MAP3K13: variants seen among roughly 807,000 people sequenced by gnomAD.
MAP3K13 encodes the protein mitogen-activated protein kinase kinase kinase 13.
Under a neutral mutation model 104.0 loss-of-function variants are expected in MAP3K13, and 52 were observed. That is an observed-to-expected ratio of 0.50 (90% CI 0.40 to 0.63). MAP3K13 has a LOEUF of 0.63. Ranked by LOEUF, MAP3K13 falls within the 20% of genes least tolerant of loss-of-function variation. The probability of loss-of-function intolerance (pLI) is 0.00; values close to 1 mark genes in which losing one functional copy is unlikely to be tolerated. For missense variants in MAP3K13, 914 were observed against 1,218.5 expected (o/e 0.75, Z 3.72); for synonymous variants, 394 against 442.2 (o/e 0.89, Z 1.37).
At chr3:185,407,993 C>A (rs542993624) in intron 1 of MAP3K13, among the ~76,000 whole-genome samples, 1 of 150,616 alleles carries the variant, frequency 6.6e-6, no homozygotes, top group South Asian at 2.1e-4. Flanking sequence ...CCTCCCACCT[C>A]GGCCTCCCAA....
chr3:185,387,689 A>G (rs116090611), intron 1 of MAP3K13, among the ~76,000 whole-genome samples: 2,575 of 152,202 alleles, frequency 0.017, 68 homozygotes, highest in African/African-American at 0.056. Context: ...TAAAGACCAC[A>G]TGAGAGAAAC....
At chr3:185,363,074 G>A (rs919995171), upstream of MAP3K13, 13 of 984,986 alleles carry the variant, frequency 1.3e-5, no homozygotes, top group Non-Finnish European at 1.6e-5. Context: ...AAGAAGGAAG[G>A]CCATGTCTGC....
At chr3:185,414,859 C>T (rs1417906276) in intron 1 of MAP3K13, among the ~76,000 whole-genome samples, 2 of 151,878 alleles carry the variant, frequency 1.3e-5, no homozygotes, top group Non-Finnish European at 2.9e-5. Flanking sequence ...AGAAAATTTC[C>T]ATAATATAAT....
intron 1 of MAP3K13, among the ~76,000 whole-genome samples, chr3:185,416,803 TG>T (rs1180289362): frequency 6.6e-6 from 1 of 150,982 alleles, no homozygotes; most frequent in Admixed American, 6.6e-5. Flanking sequence ...TTTTTTTTTT[TG>T]TAGTAACAGG....
chr3:185,295,326 T>C (rs1486208501), intron 2 of MAP3K13, among the ~76,000 whole-genome samples: 1 of 152,130 alleles, frequency 6.6e-6, no homozygotes, highest in African/African-American at 2.4e-5. Flanking sequence ...TGCCTCTGCC[T>C]CCCAAGTAGC....
At chr3:185,385,872 G>A (rs1056026302) in intron 1 of MAP3K13, among the ~76,000 whole-genome samples, 2 of 152,146 alleles carry the variant, frequency 1.3e-5, no homozygotes, top group East Asian at 1.9e-4. Flanking sequence ...TCGTGGTGGT[G>A]GGTGCCTATA....
chr3:185,413,360 A>C (rs577856379), intron 1 of MAP3K13, among the ~76,000 whole-genome samples: 3 of 152,332 alleles, frequency 2.0e-5, no homozygotes, highest in Middle Eastern at 3.4e-3. Context: ...TCTTTTTCCC[A>C]GTCCTATATG....
intron 1 of MAP3K13, among the ~76,000 whole-genome samples, chr3:185,381,568 T>C (rs927031194): frequency 9.9e-5 from 15 of 152,208 alleles, no homozygotes; most frequent in African/African-American, 3.6e-4. Context: ...TCTCCTATTG[T>C]AAACAACTGT....
intron 2 of MAP3K13, among the ~76,000 whole-genome samples, chr3:185,290,763 G>A (rs368259325): frequency 2.0e-4 from 31 of 152,302 alleles, no homozygotes; most frequent in African/African-American, 7.2e-4. Flanking sequence ...TCTACATAAA[G>A]TGTCTAGAGC....
rs1356509552 is a variant in MAP3K13, at chr3:185,411,552, TCAAATTAAG to T, written c.-85-16940_-85-16932del. On this transcript the variant is annotated intron_variant, in intron 1 of 13. Transcript: ENST00000265026. Reference sequence around the variant, plus strand: ...ACCAGACATTGAAACAACAGAAAATTCAAATTAAGCAAACAAGTACAATAATAAAACAAT... The same window carrying T: ...ACCAGACATTGAAACAACAGAAAATTCAAACAAGTACAATAATAAAACAAT... Among the ~76,000 whole-genome samples the T allele has an allele frequency of 9.2e-5, 14 of 152,286 alleles. No homozygotes were observed. In the East Asian group the frequency reaches 2.7e-3, roughly 29 times the overall value.
chr3:185,434,753 T>G (rs1025879092), intron 2 of MAP3K13, among the ~76,000 whole-genome samples: 1 of 152,162 alleles, frequency 6.6e-6, no homozygotes, highest in African/African-American at 2.4e-5. Flanking sequence ...CTGATCTTTC[T>G]CTAATGTTTC....
chr3:185,411,873 C>T (rs761586338), intron 1 of MAP3K13, among the ~76,000 whole-genome samples: 6 of 150,678 alleles, frequency 4.0e-5, no homozygotes, highest in Non-Finnish European at 1.5e-5. Context: ...CAGCTTCCAC[C>T]TCCCAGGTTC....
intron 7 of MAP3K13, among the ~76,000 whole-genome samples, chr3:185,454,917 TGAGATATATATATGATATATATATGA>T: frequency 1.1e-5 from 1 of 87,592 alleles, no homozygotes; most frequent in African/African-American, 5.0e-5. Flanking sequence ...GATATATATA[TGAGATATATATATGATATATATATGA>T]GATATATATG....
In MAP3K13 at chr3:185,456,774, G is replaced by T. The variant is rs202119525; in HGVS notation, c.1278+5379G>T. ...GTGCCACCACACTCGGTTAATTTTTGTATTTTTAGTAGAGACAGGTTTCAC... is the reference window on the plus strand; with the variant it reads ...GTGCCACCACACTCGGTTAATTTTTTTATTTTTAGTAGAGACAGGTTTCAC... On this transcript the variant is annotated intron_variant, in intron 7 of 13. Transcript: ENST00000265026. Among the ~76,000 whole-genome samples the T allele has an allele frequency of 1.4e-4, 21 of 151,886 alleles. No individual in the cohort carries two copies. The East Asian group carries it at 3.9e-3, about 28-fold the overall frequency.
At chr3:185,310,920 G>A (rs546182861) in intron 2 of MAP3K13, among the ~76,000 whole-genome samples, 1 of 152,246 alleles carries the variant, frequency 6.6e-6, no homozygotes, top group African/African-American at 2.4e-5. Flanking sequence ...TATTCACAGT[G>A]ATAAGCAAAG....
intron 2 of MAP3K13, among the ~76,000 whole-genome samples, chr3:185,317,257 G>A (rs1264412993): frequency 6.6e-6 from 1 of 152,162 alleles, no homozygotes; most frequent in East Asian, 1.9e-4. Context: ...TCTGAAAATG[G>A]GGGAGAGAAG....
intron 1 of MAP3K13, among the ~76,000 whole-genome samples, chr3:185,425,695 C>G (rs1233784873): frequency 6.6e-6 from 1 of 152,194 alleles, no homozygotes; most frequent in Non-Finnish European, 1.5e-5. Flanking sequence ...CTACCATAAT[C>G]TAGCCTTTGC....
At chr3:185,445,126 G>C (rs537866737) in intron 4 of MAP3K13, among the ~76,000 whole-genome samples, 1 of 152,228 alleles carries the variant, frequency 6.6e-6, no homozygotes, top group African/African-American at 2.4e-5. Context: ...AACTGTGTGG[G>C]ATACGTAACA....
At position 185,299,707 on chromosome 3, in the gene MAP3K13, C is replaced by T. The variant is rs1721035600; in HGVS notation, c.-86+14064C>T. On this transcript the variant is annotated intron_variant, in intron 2 of 14. Transcript: ENST00000424227. ...TCAGCCTCCCGAGTAGCTGGGACTA[C>T]AGGCGCCCGCCACCGCGCCCGGCTA... Among the ~76,000 whole-genome samples the T allele has an allele frequency of 4.2e-5, 2 of 48,176 alleles. 1 individual carries two copies. Among genetic ancestry groups the T allele is most frequent in the South Asian group, 1.4e-3 (2 of 1,396 alleles). The allele number at this position is 48,176 out of a possible 152,430, so 31.6% of individuals were successfully genotyped here.
Sources: gnomAD v4.1 joint callset for allele counts (sites outside exome capture counted in the v4.1 genomes callset) on GRCh38, gnomAD v4.1.1 for gene constraint, MANE v1.5 for transcripts, NCBI Gene and HGNC (gene_info 2026-07-23, HGNC 2026-07-21) for gene names.